The following ATP10B variants were observed in gnomAD, a reference collection of about 807,000 sequenced individuals.
The protein encoded by ATP10B is phospholipid-transporting ATPase VB.
A neutral mutation model predicts 141.2 loss-of-function variants in ATP10B; 122 were observed. The observed-to-expected ratio is 0.86, with a 90% CI of 0.75 to 1.00. The LOEUF (loss-of-function observed/expected upper bound fraction) is 1.00, where lower values mean the gene tolerates loss of function less well. Ranked by LOEUF, ATP10B falls within the 50% of genes least tolerant of loss-of-function variation. ATP10B has a pLI of 0.00. For missense variants in ATP10B, 1,876 were observed against 1,825.3 expected (o/e 1.03, Z -0.51); for synonymous variants, 685 against 692.0 (o/e 0.99, Z 0.16).
At chr5:160,602,001 C>A (rs1446251089) in intron 21 of ATP10B, among the ~76,000 whole-genome samples, 1 of 152,138 alleles carries the variant, frequency 6.6e-6, no homozygotes, top group Non-Finnish European at 1.5e-5. Flanking sequence ...ACTGAGCTGG[C>A]TCTATATACA....
chr5:160,609,443 A>T (rs1454827100), intron 18 of ATP10B, among the ~76,000 whole-genome samples: 1 of 151,508 alleles, frequency 6.6e-6, no homozygotes, highest in African/African-American at 2.4e-5. Flanking sequence ...CAGTGGCATA[A>T]TCTCAGCTCA....
At position 160,636,263 on chromosome 5, in the gene ATP10B, A is replaced by G; in HGVS notation, c.1047T>C (p.Asp349=). 6.2e-7 allele frequency: 1 copy of G among 1,613,804 alleles called. No homozygotes were observed. Among genetic ancestry groups the G allele is most frequent in the Non-Finnish European group, 8.5e-7 (1 of 1,179,816 alleles). Residue 349 remains aspartate (D), a synonymous_variant, in exon 11 of 26, where the codon GAT becomes GAC. Coordinates refer to ENST00000327245, the MANE Select transcript of ATP10B (RefSeq NM_025153.3). ...NGTFEEHPPF[D]VPDANGSFLP... ...GGAAGCTGCCATTGGCATCTGGCAC[A>G]TCGAAGGGAGGGTGTTCTTCAAAGG... is the stretch of plus-strand genomic sequence containing the variant.
chr5:160,629,143 G>T (rs934917207), intron 13 of ATP10B, among the ~76,000 whole-genome samples: 1 of 152,012 alleles, frequency 6.6e-6, no homozygotes, highest in African/African-American at 2.4e-5. Flanking sequence ...AGAACAGATT[G>T]GGTGCCAGAT....
intron 16 of ATP10B, among the ~76,000 whole-genome samples, chr5:160,617,475 T>G (rs75234104): frequency 0.013 from 1,984 of 152,318 alleles, 51 homozygotes; most frequent in African/African-American, 0.045. Context: ...GGCCAGATCC[T>G]CTACATTTTT....
At chr5:160,612,708 A>G in intron 18 of ATP10B, 33 bp downstream of exon 18, 5 of 1,578,456 alleles carry the variant, frequency 3.2e-6, no homozygotes, top group Middle Eastern at 1.7e-4. Flanking sequence ...ACACGTTGAT[A>G]TCTGCAGATA....
intron 10 of ATP10B, among the ~76,000 whole-genome samples, chr5:160,637,075 T>TCCAA (rs1759454670): frequency 7.3e-6 from 1 of 137,672 alleles, no homozygotes; most frequent in African/African-American, 2.7e-5. Context: ...CATCCATCCA[T>TCCAA]CTTTCTATCC....
rs752121166 is a variant in ATP10B at position 160,634,128 on chromosome 5, C to A, written c.1381+226G>T. 12 of 695,668 alleles carry A rather than the reference C, an allele frequency of 1.7e-5. No individual in the cohort carries two copies. The African/African-American group carries it at 1.9e-4, about 11-fold the overall frequency. 43.1% of individuals were successfully genotyped at this position (695,668 alleles called of 1,614,324 possible). On this transcript the variant is annotated intron_variant, in intron 12 of 25. Transcript: ENST00000327245. The stretch of plus-strand genomic sequence containing the variant: ...AGACAAAGATCAGCTGAAGGGGAAC[C>A]ACATATGGGATAACTTCTAACCTTT...
chr5:160,790,748 T>C (rs1180162026), intron 1 of ATP10B, among the ~76,000 whole-genome samples: 1 of 152,150 alleles, frequency 6.6e-6, no homozygotes, highest in Non-Finnish European at 1.5e-5. Flanking sequence ...GATGCCCATG[T>C]CCTAATCCCC....
In ATP10B at chr5:160,795,702, G is replaced by C. The variant is rs77671716; in HGVS notation, c.-575-9899C>G. 6.2e-3 allele frequency among the ~76,000 whole-genome samples: 936 copies of C among 151,930 alleles called. 8 individuals are homozygous for C. The highest frequency in any genetic ancestry group is 0.022 in the African/African-American group (891 of 41,426). On this transcript the variant is annotated intron_variant, in intron 1 of 25. Coordinates refer to ENST00000327245, the MANE Select transcript of ATP10B (RefSeq NM_025153.3). ...TGACAAGTGTCCTTATAAGAGAAAG[G>C]CAGAGGGAGATTTGAGATCCAGTAA...
At chr5:160,721,988 C>A (rs1360100290) in intron 2 of ATP10B, among the ~76,000 whole-genome samples, 2 of 152,156 alleles carry the variant, frequency 1.3e-5, no homozygotes, top group Admixed American at 6.5e-5. Context: ...TCTCAATTAC[C>A]TTCTTTGTGT....
At position 160,620,668 on chromosome 5, in the gene ATP10B, A is replaced by G. The variant is rs772037753; in HGVS notation, c.2095T>C (p.Leu699=). 4 of 1,613,718 alleles carry G rather than the reference A, an allele frequency of 2.5e-6. No individual in the cohort carries two copies. The highest frequency in any genetic ancestry group is 4.5e-5 in the East Asian group (2 of 44,878). The change falls in exon 15 of 26, where the codon TTG becomes CTG. Residue 699 remains leucine, a synonymous_variant. Coordinates refer to ENST00000327245, the MANE Select transcript of ATP10B (RefSeq NM_025153.3). ...GCTGGGGCCTCCAATGCCTCCTCCA[A>G]GGAAGTGCCTGACCCAGACTCCAGG... ...DILESGSGTS[L]EEALEAPATD...
intron 24 of ATP10B, among the ~76,000 whole-genome samples, chr5:160,574,730 T>C (rs138511238): frequency 3.9e-5 from 6 of 151,980 alleles, no homozygotes; most frequent in African/African-American, 1.4e-4. Context: ...AGTGCTTTTT[T>C]TGCCCTTTCA....
chr5:160,799,856 A>G (rs1772251500), intron 1 of ATP10B, among the ~76,000 whole-genome samples: 2 of 152,210 alleles, frequency 1.3e-5, no homozygotes, highest in African/African-American at 4.8e-5. Context: ...AAATTGATGG[A>G]TTCACTCATA....
intron 2 of ATP10B, among the ~76,000 whole-genome samples, chr5:160,779,135 A>G (rs1010459028): frequency 6.6e-6 from 1 of 152,216 alleles, no homozygotes; most frequent in Non-Finnish European, 1.5e-5. Context: ...TGGTTTTTAT[A>G]TAATCACAAA....
chr5:160,669,054 A>T (rs896344057), intron 7 of ATP10B, among the ~76,000 whole-genome samples: 2 of 152,182 alleles, frequency 1.3e-5, no homozygotes, highest in Admixed American at 1.3e-4. Context: ...AAATCCTCTG[A>T]CTCATTCCAT....
intron 1 of ATP10B, among the ~76,000 whole-genome samples, chr5:160,817,153 G>A (rs771435151): frequency 4.6e-5 from 7 of 152,124 alleles, no homozygotes; most frequent in Non-Finnish European, 1.0e-4. Flanking sequence ...TTCTGGCCAG[G>A]GCAATCAGGC....
At chr5:160,778,682 T>TA (rs398093846) in intron 2 of ATP10B, among the ~76,000 whole-genome samples, 1 of 152,148 alleles carries the variant, frequency 6.6e-6, no homozygotes, top group Non-Finnish European at 1.5e-5. Flanking sequence ...TTGACTTTTT[T>TA]AAAATTACAG....
chr5:160,719,980 T>C (rs766506155), intron 2 of ATP10B, among the ~76,000 whole-genome samples: 3 of 152,230 alleles, frequency 2.0e-5, no homozygotes, highest in Non-Finnish European at 4.4e-5. Flanking sequence ...ACAAATGGAA[T>C]TGCAGCATCA....
chr5:160,624,785 C>T (rs1173866494), intron 13 of ATP10B, among the ~76,000 whole-genome samples: 3 of 152,200 alleles, frequency 2.0e-5, no homozygotes, highest in Admixed American at 6.5e-5. Flanking sequence ...TGACCAAAGT[C>T]GCCTAGTGAG....
Sources: allele counts gnomAD v4.1 joint callset (sites outside exome capture counted in the v4.1 genomes callset), GRCh38; gene constraint gnomAD v4.1.1; transcripts MANE v1.5; gene names NCBI Gene and HGNC (gene_info 2026-07-23, HGNC 2026-07-21).